Variants in PSD3 observed in about 807,000 individuals in gnomAD.
The protein encoded by PSD3 is pleckstrin and Sec7 domain containing 3, also known as PH and SEC7 domain-containing protein 3.
PSD3 carries 49 observed loss-of-function variants against 105.5 expected under a neutral mutation model. The ratio of observed to expected loss-of-function variants is 0.46; its 90% CI spans 0.37 to 0.59. The LOEUF is 0.59. Ranked by LOEUF, PSD3 falls within the 20% of genes least tolerant of loss-of-function variation. The pLI, the probability that PSD3 is intolerant of heterozygous loss-of-function variation, is 0.00. For missense variants in PSD3, 1,561 were observed against 1,263.8 expected, an observed-to-expected ratio of 1.24 and a Z score of -3.57; for synonymous variants, 557 against 457.8, an observed-to-expected ratio of 1.22 and a Z score of -2.77.
chr8:19,074,601 ATATATATATATTTT>A (rs1563546480), intron 1 of PSD3, among the ~76,000 whole-genome samples: 8,626 of 54,398 alleles, frequency 0.16, 628 homozygotes, highest in East Asian at 0.25. Flanking sequence ...ACATATATAT[ATATATATATATTTT>A]TTTTTTTTTT....
chr8:18,923,505 ATAAGAT>A (rs1426327359), intron 2 of PSD3, among the ~76,000 whole-genome samples: 2 of 152,228 alleles, frequency 1.3e-5, no homozygotes, highest in Non-Finnish European at 2.9e-5. Flanking sequence ...ACGCTGATCC[ATAAGAT>A]TATAATGCCA....
chr8:18,801,765 T>A (rs1350457240), intron 6 of PSD3, among the ~76,000 whole-genome samples: 12 of 151,758 alleles, frequency 7.9e-5, no homozygotes, highest in Admixed American at 7.9e-4. Context: ...GAGGCGGAGG[T>A]TGCAGTAAGC....
rs558247493 is a variant in PSD3, at chr8:19,084,066, G to A, written c.324+140C>T. 37 of 343,420 alleles carry A rather than the reference G, an allele frequency of 1.1e-4. No individual in the cohort carries two copies. In the East Asian group the frequency reaches 2.8e-3, roughly 26 times the overall value. The allele number at this position is 343,420 out of a possible 1,614,324, so 21.3% of individuals were successfully genotyped here. ...AAATGCCAGGCCTGGGAAGGCTGCG[G>A]CTCGTGGGTACCTCTGCTGTTGAGG... On this transcript the variant is annotated intron_variant, in intron 1 of 1. Coordinates refer to the PSD3 transcript ENST00000521475.
intron 8 of PSD3, chr8:18,774,577 G>T: frequency 5.6e-6 from 2 of 357,960 alleles, no homozygotes; most frequent in East Asian, 8.2e-5. Context: ...TCTGTCGTTG[G>T]TACAGCCTGT....
chr8:18,731,904 A>G (rs1424415047), intron 9 of PSD3, among the ~76,000 whole-genome samples: 1 of 152,180 alleles, frequency 6.6e-6, no homozygotes, highest in East Asian at 1.9e-4. Context: ...TCTGCCCATC[A>G]GTGAGTAGGA....
intron 2 of PSD3, among the ~76,000 whole-genome samples, chr8:18,885,791 G>A (rs1008426503): frequency 1.3e-5 from 2 of 152,208 alleles, no homozygotes; most frequent in Non-Finnish European, 2.9e-5. Context: ...TTTCCATGGT[G>A]AGAGAGAAAT....
chr8:18,916,526 A>G (rs1820619974), intron 2 of PSD3, among the ~76,000 whole-genome samples: 1 of 151,906 alleles, frequency 6.6e-6, no homozygotes, highest in Admixed American at 6.6e-5. Flanking sequence ...GCACAATCTT[A>G]AAATGTTGAG....
intron 8 of PSD3, among the ~76,000 whole-genome samples, chr8:18,797,350 A>C (rs1230458033): frequency 1.3e-5 from 2 of 152,178 alleles, no homozygotes; most frequent in African/African-American, 4.8e-5. Context: ...ACGACTGCCA[A>C]TTATTAATTA....
intron 14 of PSD3, among the ~76,000 whole-genome samples, chr8:18,567,540 G>T (rs1801869359): frequency 1.3e-5 from 2 of 152,098 alleles, no homozygotes; most frequent in Admixed American, 6.5e-5. Context: ...ATGCCATTGT[G>T]TCCTGCAAGA....
At chr8:18,907,861 C>A (rs1253779966) in intron 2 of PSD3, among the ~76,000 whole-genome samples, 1 of 152,104 alleles carries the variant, frequency 6.6e-6, no homozygotes, top group African/African-American at 2.4e-5. Flanking sequence ...TTCATTTAAA[C>A]TTTTTTCAAT....
intron 12 of PSD3, among the ~76,000 whole-genome samples, chr8:18,589,357 G>T (rs1803430946): frequency 5.9e-5 from 9 of 152,254 alleles, no homozygotes; most frequent in Admixed American, 3.3e-4. Context: ...TTAGAAGGAT[G>T]CGGCAAATCA....
intron 2 of PSD3, among the ~76,000 whole-genome samples, chr8:18,908,695 C>CTTCTAT (rs1820004251): frequency 6.6e-6 from 1 of 152,204 alleles, no homozygotes; most frequent in African/African-American, 2.4e-5. Context: ...TCATTTGGCA[C>CTTCTAT]TTAATTACGT....
chr8:18,616,724 C>T (rs1035175393), intron 11 of PSD3, among the ~76,000 whole-genome samples: 17 of 146,896 alleles, frequency 1.2e-4, no homozygotes, highest in East Asian at 7.9e-4. Context: ...CCCGGGTTCA[C>T]GCCATTCTCC....
At chr8:18,913,630 A>G (rs1019358442) in intron 2 of PSD3, among the ~76,000 whole-genome samples, 3 of 152,052 alleles carry the variant, frequency 2.0e-5, no homozygotes, top group Admixed American at 6.6e-5. Flanking sequence ...ACCCAGGCCC[A>G]TCCCTAGGGA....
intron 1 of PSD3, among the ~76,000 whole-genome samples, chr8:19,038,293 C>T (rs560895268): frequency 3.3e-5 from 5 of 152,186 alleles, no homozygotes; most frequent in African/African-American, 9.6e-5. Flanking sequence ...CCTCTCTTAC[C>T]GTCTAATTTC....
chr8:18,843,328 G>A (rs546441697), intron 4 of PSD3, among the ~76,000 whole-genome samples: 4 of 122,206 alleles, frequency 3.3e-5, no homozygotes, highest in Admixed American at 9.2e-5. Flanking sequence ...ACGAGACTCC[G>A]TCTCAAAAAA....
intron 9 of PSD3, among the ~76,000 whole-genome samples, chr8:18,724,549 C>T (rs1366250573): frequency 6.6e-6 from 1 of 151,878 alleles, no homozygotes; most frequent in Non-Finnish European, 1.5e-5. Flanking sequence ...GAGTCTGAGG[C>T]TGCAGTGAGC....
intron 2 of PSD3, among the ~76,000 whole-genome samples, chr8:18,874,145 T>TTTTTATTTTATTTTATTTTA (rs146118813): frequency 6.6e-6 from 1 of 151,824 alleles, no homozygotes; most frequent in African/African-American, 2.4e-5. Context: ...GTTGTTACCA[T>TTTTTATTTTATTTTATTTTA]TTTTATTTTA....
At chr8:18,603,756 T>A (rs532658143) in intron 11 of PSD3, among the ~76,000 whole-genome samples, 1 of 152,168 alleles carries the variant, frequency 6.6e-6, no homozygotes, top group Non-Finnish European at 1.5e-5. Context: ...AGTAAGTGAA[T>A]GCTCGTGAGA....
Sources: allele counts gnomAD v4.1 joint callset (sites outside exome capture counted in the v4.1 genomes callset), GRCh38; gene constraint gnomAD v4.1.1; transcripts MANE v1.5; gene names NCBI Gene and HGNC (gene_info 2026-07-23, HGNC 2026-07-21).